NFASC: variants seen among roughly 807,000 people sequenced by gnomAD.
The protein encoded by NFASC is neurofascin.
NFASC carries 43 observed loss-of-function variants against 147.5 expected under a neutral mutation model. That is an observed-to-expected ratio of 0.29 (90% CI 0.23 to 0.38). The LOEUF (loss-of-function observed/expected upper bound fraction) is 0.38. Among genes scored for constraint, NFASC ranks in the 10% least tolerant of loss-of-function variants. NFASC has a pLI of 1.00. For missense variants in NFASC, 1,320 were observed against 1,689.0 expected, an observed-to-expected ratio of 0.78 and a Z score of 3.83; for synonymous variants, 622 against 665.5, an observed-to-expected ratio of 0.93 and a Z score of 1.01.
In NFASC at chr1:204,979,338, G is replaced by T; in HGVS notation, c.1979-24G>T. ...CACTGCTAACTGAGCTCCCGAAACA[G>T]CTCTGTTTTCCTTGCCCACTCAGAC... On this transcript the variant is annotated intron_variant, in intron 18 of 29. Coordinates refer to ENST00000339876, the MANE Select transcript of NFASC (RefSeq NM_001005388.3). This position sits in a 1 kb window ranked among gnomAD's most constrained non-coding sequence, Gnocchi z 6.0. 1 of 1,600,310 alleles carries T rather than the reference G, an allele frequency of 6.2e-7. No homozygotes were observed.
chr1:204,984,915 C>T (rs564269225), intron 21 of NFASC, among the ~76,000 whole-genome samples: 11 of 152,256 alleles, frequency 7.2e-5, no homozygotes, highest in African/African-American at 2.2e-4. Context: ...CGTTCTGTGG[C>T]CTCAGAGGTC....
At chr1:204,895,415 A>G (rs1388496464) in intron 1 of NFASC, among the ~76,000 whole-genome samples, 1 of 152,154 alleles carries the variant, frequency 6.6e-6, no homozygotes, top group Non-Finnish European at 1.5e-5. Context: ...GCTGTAGTAC[A>G]TCAGGGATTG....
chr1:204,918,711 G>C (rs984923556), intron 1 of NFASC, among the ~76,000 whole-genome samples: 2 of 145,358 alleles, frequency 1.4e-5, no homozygotes, highest in Non-Finnish European at 3.0e-5. Context: ...TCAGCCTCCC[G>C]AGCAGCTGGG....
intron 1 of NFASC, among the ~76,000 whole-genome samples, chr1:204,907,251 A>G (rs1339868256): frequency 6.6e-6 from 1 of 152,176 alleles, no homozygotes; most frequent in African/African-American, 2.4e-5. Context: ...CCATACATAT[A>G]TCATCTTCAA....
At position 205,010,741 on chromosome 1, in the gene NFASC, A is replaced by G. The variant is rs892264430; in HGVS notation, c.3421+1053A>G. The stretch of plus-strand genomic sequence containing the variant: ...ACATGGTGAAACCCAATCTCTACCA[A>G]AAATACAAAAAATTAGCTGGGTGTT... On this transcript the variant is annotated intron_variant, in intron 28 of 29. Transcript: ENST00000339876. This position sits in a 1 kb window ranked among gnomAD's most constrained non-coding sequence, Gnocchi z 4.1. 2.0e-5 allele frequency: 3 copies of G among 152,096 alleles called. No homozygotes were observed. The highest frequency in any genetic ancestry group is 7.2e-5 in the African/African-American group (3 of 41,398). The allele number at this position is 152,096 out of a possible 1,614,324, so 9.4% of individuals were successfully genotyped here.
intron 24 of NFASC, among the ~76,000 whole-genome samples, chr1:204,995,315 AGTGTGTGT>A (rs60921990): frequency 0.029 from 4,098 of 140,826 alleles, 66 homozygotes; most frequent in Non-Finnish European, 0.035. Flanking sequence ...ATGTGTGCAC[AGTGTGTGT>A]GTGTGTGTGT....
At chr1:204,952,399 A>G (rs1299517562) in intron 5 of NFASC, among the ~76,000 whole-genome samples, 1 of 152,194 alleles carries the variant, frequency 6.6e-6, no homozygotes, top group Admixed American at 6.5e-5. Flanking sequence ...CTGTGTTCCC[A>G]TCATCTGCCC....
chr1:204,964,935 A>AG (rs2150172007), intron 8 of NFASC, among the ~76,000 whole-genome samples: 1 of 152,322 alleles, frequency 6.6e-6, no homozygotes, highest in East Asian at 1.9e-4. Flanking sequence ...TGGACCTTTA[A>AG]GGCCAACATG....
chr1:204,930,759 T>G (rs765572578), intron 2 of NFASC, among the ~76,000 whole-genome samples: 1 of 152,210 alleles, frequency 6.6e-6, no homozygotes, highest in Non-Finnish European at 1.5e-5. Context: ...GAATTTGCAC[T>G]GTGGAGAAGG....
chr1:204,870,829 G>T (rs1412895085), intron 1 of NFASC: 15 of 1,180,254 alleles, frequency 1.3e-5, no homozygotes, highest in African/African-American at 1.6e-5. Context: ...GCCGATGGGG[G>T]TGACAAGGAG....
intron 22 of NFASC, 35 bp from the exon 23 acceptor site, chr1:204,988,598 C>T: frequency 1.9e-6 from 3 of 1,598,888 alleles, no homozygotes; most frequent in Non-Finnish European, 2.6e-6. Flanking sequence ...ATAAATGTTG[C>T]TAAAGTTTAA....
In NFASC at chr1:205,022,473, T is replaced by C. The variant is rs933735940; in HGVS notation, c.*5934T>C. The stretch of plus-strand genomic sequence containing the variant: ...CCCAGCGTCTCCATCCCTTCCTACA[T>C]ATCCACACACACACAAATTGGTCTG... On this transcript the variant is annotated 3_prime_UTR_variant, in exon 30 of 30. Transcript: ENST00000339876. The C allele has an allele frequency of 2.1e-4, 32 of 152,146 alleles. 1 individual carries two copies. Among genetic ancestry groups the C allele is most frequent in the African/African-American group, 7.7e-4 (32 of 41,300 alleles). 9.4% of individuals were successfully genotyped at this position (152,146 alleles called of 1,614,324 possible). A position where few individuals can be genotyped will look rare whatever the true frequency, so the allele number is the denominator to read the frequency against.
chr1:204,983,404 A>T (rs1230282233), intron 21 of NFASC, among the ~76,000 whole-genome samples: 1 of 152,094 alleles, frequency 6.6e-6, no homozygotes, highest in East Asian at 1.9e-4. Context: ...TGGAGGGAAA[A>T]CGGCAAGATA....
Position 204,979,269 on chromosome 1 carries a change from T to C in NFASC, c.1979-93T>C. 2 of 1,143,394 alleles carry C rather than the reference T, an allele frequency of 1.7e-6. No individual in the cohort carries two copies. The highest frequency in any genetic ancestry group is 2.6e-6 in the Non-Finnish European group (2 of 755,024). The allele number at this position is 1,143,394 out of a possible 1,614,324, so 70.8% of individuals were successfully genotyped here. A position where few individuals can be genotyped will look rare whatever the true frequency, so the allele number is the denominator to read the frequency against. Reference sequence around the variant, plus strand: ...TTGTGCCTTTGTGTGAGAGAGATTATAAAGATCAATGGAAGCCAAGAAGGA... The same window carrying C: ...TTGTGCCTTTGTGTGAGAGAGATTACAAAGATCAATGGAAGCCAAGAAGGA... On this transcript the variant is annotated intron_variant, in intron 18 of 29. Transcript: ENST00000339876. The surrounding 1 kb of genome is among the most constrained non-coding windows in gnomAD (Gnocchi z 6.0).
chr1:204,957,469 C>T (rs555764996), intron 7 of NFASC, among the ~76,000 whole-genome samples, 187 bp from the exon 8 acceptor site: 5 of 152,352 alleles, frequency 3.3e-5, no homozygotes, highest in Admixed American at 2.6e-4. Context: ...GGACACATTA[C>T]ATCCTCTGCT....
At chr1:204,871,033 C>G (rs547709336) in intron 1 of NFASC, 7 of 1,289,666 alleles carry the variant, frequency 5.4e-6, no homozygotes, top group Admixed American at 2.3e-5. Context: ...ACTGAGAAGA[C>G]GCTGGATGAA....
intron 4 of NFASC, among the ~76,000 whole-genome samples, chr1:204,951,487 A>T (rs371421208): frequency 1.0e-3 from 128 of 123,638 alleles, no homozygotes; most frequent in Admixed American, 5.8e-3. Context: ...TTTTTTTTTT[A>T]AAACAGAATA....
At chr1:204,943,959 T>C (rs191093592) in intron 2 of NFASC, among the ~76,000 whole-genome samples, 22 of 152,268 alleles carry the variant, frequency 1.4e-4, no homozygotes, top group African/African-American at 5.3e-4. Flanking sequence ...TTCTGATTGG[T>C]AGTGGTGAAG....
chr1:204,843,952 G>A (rs889605473), intron 1 of NFASC, among the ~76,000 whole-genome samples: 2 of 152,074 alleles, frequency 1.3e-5, no homozygotes, highest in African/African-American at 4.8e-5. Context: ...TGGTCGGGCT[G>A]GTCTTGAACT....
Sources: allele counts gnomAD v4.1 joint callset (sites outside exome capture counted in the v4.1 genomes callset), GRCh38; gene constraint gnomAD v4.1.1; non-coding constraint Gnocchi (gnomAD v3.1); transcripts MANE v1.5; gene names NCBI Gene and HGNC (gene_info 2026-07-23, HGNC 2026-07-21).